The following PARD3 variants were observed in gnomAD, a reference collection of about 807,000 sequenced individuals.
PARD3 encodes the protein par-3 family cell polarity regulator.
A neutral mutation model predicts 155.4 loss-of-function variants in PARD3; 75 were observed. The ratio of observed to expected loss-of-function variants is 0.48; its 90% CI spans 0.40 to 0.58. The LOEUF (loss-of-function observed/expected upper bound fraction) is 0.58, where lower values mean the gene tolerates loss of function less well. Among genes scored for constraint, PARD3 ranks in the 20% least tolerant of loss-of-function variants. The probability of loss-of-function intolerance (pLI) is 0.00; values close to 1 mark genes in which losing one functional copy is unlikely to be tolerated. For synonymous variants in PARD3, 576 were observed against 610.5 expected (o/e 0.94, Z 0.83); for missense variants, 1,642 against 1,721.7 (o/e 0.95, Z 0.82).
chr10:34,149,162 A>C (rs1274319422), intron 22 of PARD3, among the ~76,000 whole-genome samples: 1 of 152,156 alleles, frequency 6.6e-6, no homozygotes, highest in Non-Finnish European at 1.5e-5. Flanking sequence ...AATAAAAATA[A>C]TTGATGACCA....
chr10:34,132,461 C>T (rs1378819397), intron 22 of PARD3, among the ~76,000 whole-genome samples: 1 of 152,136 alleles, frequency 6.6e-6, no homozygotes, highest in Non-Finnish European at 1.5e-5. Flanking sequence ...CCAGTCCAAC[C>T]CTCATTTCAC....
chr10:34,294,590 C>T (rs937164769), intron 20 of PARD3, among the ~76,000 whole-genome samples: 2 of 152,186 alleles, frequency 1.3e-5, no homozygotes. Flanking sequence ...ATGCTCTCTA[C>T]AGAGTAAATT....
intron 22 of PARD3, among the ~76,000 whole-genome samples, chr10:34,143,039 A>T (rs1303914752): frequency 6.6e-6 from 1 of 152,184 alleles, no homozygotes; most frequent in Non-Finnish European, 1.5e-5. Flanking sequence ...TTTGAAATAA[A>T]GGCTGGGGGC....
chr10:34,553,266 G>A (rs2084732595), intron 2 of PARD3, among the ~76,000 whole-genome samples: 1 of 152,134 alleles, frequency 6.6e-6, no homozygotes. Flanking sequence ...CATGGAAAGG[G>A]CTGGTTAAAG....
chr10:34,542,905 G>A (rs1035023470), intron 2 of PARD3, among the ~76,000 whole-genome samples: 12 of 151,950 alleles, frequency 7.9e-5, no homozygotes, highest in African/African-American at 2.4e-4. Flanking sequence ...TTGTTTAAAC[G>A]TCACTATTTT....
chr10:34,153,355 T>G (rs539658372), intron 22 of PARD3, among the ~76,000 whole-genome samples: 4 of 152,160 alleles, frequency 2.6e-5, no homozygotes, highest in Admixed American at 1.3e-4. Context: ...AGGGGAGAGC[T>G]CTCCCTCACA....
At chr10:34,396,855 T>C (rs929457080) in intron 7 of PARD3, among the ~76,000 whole-genome samples, 1 of 152,168 alleles carries the variant, frequency 6.6e-6, no homozygotes, top group East Asian at 1.9e-4. Context: ...CACCATGAAG[T>C]TGACACAGCT....
At chr10:34,814,848 C>CA in intron 1 of PARD3, 28 bp downstream of exon 1, 7 of 1,410,084 alleles carry the variant, frequency 5.0e-6, no homozygotes, top group Non-Finnish European at 6.7e-6. Flanking sequence ...CCGCCGCCCC[C>CA]TCCCCGCCCG....
intron 22 of PARD3, among the ~76,000 whole-genome samples, chr10:34,175,699 C>A (rs570890446): frequency 6.6e-6 from 1 of 152,240 alleles, no homozygotes; most frequent in Admixed American, 6.5e-5. Flanking sequence ...AAAGCAAGTA[C>A]TTTCCCTTGT....
At chr10:34,690,817 CAG>C (rs1382036297) in intron 2 of PARD3, among the ~76,000 whole-genome samples, 3 of 152,182 alleles carry the variant, frequency 2.0e-5, no homozygotes, top group South Asian at 2.1e-4. Flanking sequence ...GCTCAGAGTA[CAG>C]AGAGTGCCAA....
At chr10:34,286,700 A>G (rs1956411113) in intron 20 of PARD3, among the ~76,000 whole-genome samples, 1 of 152,182 alleles carries the variant, frequency 6.6e-6, no homozygotes, top group Non-Finnish European at 1.5e-5. Context: ...TGGATTTTGG[A>G]TTTTACTGAG....
At chr10:34,473,536 A>T (rs920163) in intron 3 of PARD3, among the ~76,000 whole-genome samples, 3 of 128,086 alleles carry the variant, frequency 2.3e-5, no homozygotes, top group South Asian at 5.5e-4. Flanking sequence ...AAAATAAAAA[A>T]AAAAAAAATA....
At chr10:34,565,322 C>T (rs575365447) in intron 2 of PARD3, among the ~76,000 whole-genome samples, 33 of 116,990 alleles carry the variant, frequency 2.8e-4, no homozygotes, top group African/African-American at 7.4e-4. Context: ...GGCTGGAGTG[C>T]GGTGGCGCAA....
intron 22 of PARD3, among the ~76,000 whole-genome samples, chr10:34,205,070 A>C (rs1004373345): frequency 2.0e-5 from 3 of 152,240 alleles, no homozygotes; most frequent in African/African-American, 7.2e-5. Flanking sequence ...TTGGAAAACA[A>C]CACACTGTAA....
intron 12 of PARD3, among the ~76,000 whole-genome samples, chr10:34,364,384 T>C (rs1232982388): frequency 6.6e-6 from 1 of 152,128 alleles, no homozygotes; most frequent in Non-Finnish European, 1.5e-5. Context: ...CACTCCACTA[T>C]AAATCATTAA....
chr10:34,459,961 C>T (rs1179262230), intron 4 of PARD3, among the ~76,000 whole-genome samples: 1 of 152,156 alleles, frequency 6.6e-6, no homozygotes, highest in Non-Finnish European at 1.5e-5. Context: ...AAAGTGCCTC[C>T]TCAGGTACAC....
At chr10:34,696,515 G>T in intron 1 of PARD3, 96 bp from the exon 2 acceptor site, 1 of 775,120 alleles carries the variant, frequency 1.3e-6, no homozygotes, top group East Asian at 2.5e-5. Flanking sequence ...CCCATAAAAA[G>T]GAATCAACCT....
intron 1 of PARD3, among the ~76,000 whole-genome samples, chr10:34,784,351 T>G (rs929360378): frequency 3.9e-5 from 6 of 152,140 alleles, no homozygotes; most frequent in African/African-American, 1.2e-4. Flanking sequence ...CCCACATGTT[T>G]TAGGATCTTT....
chr10:34,260,815 T>C (rs537457265), intron 22 of PARD3, among the ~76,000 whole-genome samples: 9 of 152,242 alleles, frequency 5.9e-5, no homozygotes, highest in Non-Finnish European at 7.3e-5. Flanking sequence ...CTTTGTTATA[T>C]GACCCAACAT....
Sources: allele counts gnomAD v4.1 joint callset (sites outside exome capture counted in the v4.1 genomes callset), GRCh38; gene constraint gnomAD v4.1.1; transcripts MANE v1.5; gene names NCBI Gene and HGNC (gene_info 2026-07-23, HGNC 2026-07-21).